The following XPO6 variants were observed in gnomAD, a reference collection of about 807,000 sequenced individuals.
XPO6 encodes the protein exportin 6.
A neutral mutation model predicts 130.0 loss-of-function variants in XPO6; 3 were observed. The observed-to-expected ratio is 0.02, with a 90% CI of 0.01 to 0.06. XPO6 has a LOEUF of 0.06. XPO6 is among the 10% of genes least tolerant of loss of function. XPO6 has a pLI of 1.00. For missense variants in XPO6, 970 were observed against 1,393.0 expected (o/e 0.70, Z 4.83); for synonymous variants, 524 against 548.9 (o/e 0.95, Z 0.63).
intron 4 of XPO6, among the ~76,000 whole-genome samples, chr16:28,171,284 C>T (rs775475635): frequency 1.9e-4 from 29 of 151,770 alleles, no homozygotes; most frequent in African/African-American, 7.0e-4. Context: ...GAAACTCCAT[C>T]TCTACTAAAA....
At chr16:28,172,533 T>C (rs191326155) in intron 4 of XPO6, among the ~76,000 whole-genome samples, 5 of 152,288 alleles carry the variant, frequency 3.3e-5, no homozygotes, top group East Asian at 3.9e-4. Flanking sequence ...ATTAGTGTTA[T>C]GTGTGTGCTG....
intron 14 of XPO6, among the ~76,000 whole-genome samples, chr16:28,121,117 G>A (rs892731633): frequency 7.9e-5 from 12 of 152,378 alleles, no homozygotes; most frequent in African/African-American, 2.9e-4. Flanking sequence ...TAGAGTTTCT[G>A]TAGGTAGAGA....
At chr16:28,098,812 T>C (rs1457125812) in intron 23 of XPO6, among the ~76,000 whole-genome samples, 173 bp from the exon 24 acceptor site, 1 of 152,114 alleles carries the variant, frequency 6.6e-6, no homozygotes, top group Admixed American at 6.5e-5. Context: ...TGCCAGGCGC[T>C]GTGGGAGAAA....
In XPO6 at chr16:28,098,613, C is replaced by A. The variant is rs754068704; in HGVS notation, c.3303G>T (p.Val1101=). The change falls in exon 24 of 24, where the codon GTG becomes GTT. Residue 1101 remains valine, a synonymous_variant. Transcript: ENST00000304658. ...AGCGCAGGTCGTTGACCAGCCTGTG[C>A]ACATTCTGGGTGAATGAGGGCAGGT... ...DRDLPSFTQN[V]HRLVNDLRYY... is the part of the protein sequence containing the mutation. 1 of 1,612,218 alleles carries A rather than the reference C, an allele frequency of 6.2e-7. No homozygotes were observed. Among genetic ancestry groups the A allele is most frequent in the South Asian group, 1.1e-5 (1 of 90,906 alleles).
At chr16:28,184,808 A>G (rs2043669672) in intron 1 of XPO6, among the ~76,000 whole-genome samples, 1 of 152,210 alleles carries the variant, frequency 6.6e-6, no homozygotes, top group African/African-American at 2.4e-5. Flanking sequence ...GAGGAGGCTG[A>G]GCAACCAGCA....
Position 28,211,665 on chromosome 16 carries a change from G to A in XPO6, c.-297C>T, listed in dbSNP as rs1014271810. 7.6e-5 allele frequency: 28 copies of A among 369,662 alleles called. No homozygotes were observed. Among genetic ancestry groups the A allele is most frequent in the Non-Finnish European group, 1.2e-4 (26 of 219,406 alleles). The allele number at this position is 369,662 out of a possible 1,614,324, so 22.9% of individuals were successfully genotyped here. On this transcript the variant is annotated 5_prime_UTR_variant, in exon 1 of 24. Coordinates refer to ENST00000304658, the MANE Select transcript of XPO6 (RefSeq NM_015171.4). ...AGGAGGGCAGCTGCTCGGGACCCCC[G>A]CCCGGGCCCGACCCCCGCGGGGGAG...
chr16:28,113,605 C>T (rs2086984055), intron 15 of XPO6, among the ~76,000 whole-genome samples: 1 of 152,050 alleles, frequency 6.6e-6, no homozygotes, highest in African/African-American at 2.4e-5. Flanking sequence ...AACAGCACAC[C>T]AAAAAGTCAA....
At chr16:28,120,056 G>T (rs944574615) in intron 14 of XPO6, among the ~76,000 whole-genome samples, 4 of 152,100 alleles carry the variant, frequency 2.6e-5, no homozygotes, top group African/African-American at 9.7e-5. Context: ...CGTTGGTCAG[G>T]CTGGACTTGA....
chr16:28,128,238 C>A (rs1270576634), intron 12 of XPO6, among the ~76,000 whole-genome samples: 1 of 152,184 alleles, frequency 6.6e-6, no homozygotes, highest in Non-Finnish European at 1.5e-5. Context: ...TGCACACCAA[C>A]CAGACCTCAG....
rs2086578162 is a variant in XPO6, at chr16:28,098,347, C to T, written c.*191G>A. 1 of 562,350 alleles carries T rather than the reference C, an allele frequency of 1.8e-6. No homozygotes were observed. Among genetic ancestry groups the T allele is most frequent in the Non-Finnish European group, 3.2e-6 (1 of 315,068 alleles). The allele number at this position is 562,350 out of a possible 1,614,324, so 34.8% of individuals were successfully genotyped here. ...CGCCCTGGGAGCACCGTCCAGTGCT[C>T]AGGTGGACCCAGAAGCCAGCTCTGC... On this transcript the variant is annotated 3_prime_UTR_variant, in exon 24 of 24. Transcript: ENST00000304658.
In XPO6 at chr16:28,156,186, A is replaced by G. The variant is rs370746097; in HGVS notation, c.985T>C (p.Phe329Leu). 2 of 1,614,064 alleles carry G rather than the reference A, an allele frequency of 1.2e-6. No homozygotes were observed. Among genetic ancestry groups the G allele is most frequent in the Non-Finnish European group, 1.7e-6 (2 of 1,180,006 alleles). Residue 329 changes from phenylalanine to leucine, a missense_variant, in exon 7 of 24, where the codon TTT (phenylalanine) becomes CTT (leucine). Coordinates refer to ENST00000304658, the MANE Select transcript of XPO6 (RefSeq NM_015171.4). ...LMSKNCVPME[F>L]EEYLLRMFQQ... is the part of the protein sequence containing the mutation. ...AACATACGCAGTAAATACTCCTCAA[A>G]TTCCATAGGCACACAGTTCTTGGAC...
chr16:28,121,827 A>C lies in XPO6; in HGVS notation c.1767-65T>G, dbSNP rs1174703933. 2.6e-6 allele frequency: 3 copies of C among 1,140,110 alleles called. No individual in the cohort carries two copies. In the African/African-American group the frequency reaches 4.6e-5, roughly 17 times the overall value. The allele number at this position is 1,140,110 out of a possible 1,614,324, so 70.6% of individuals were successfully genotyped here. A position where few individuals can be genotyped will look rare whatever the true frequency, so the allele number is the denominator to read the frequency against. ...ATGAACTAAGACAGACAAAACAGACAAGGCTGGTACCAGCAAAGAGCGTAA... is the reference window on the plus strand; with the variant it reads ...ATGAACTAAGACAGACAAAACAGACCAGGCTGGTACCAGCAAAGAGCGTAA... On this transcript the variant is annotated intron_variant, in intron 13 of 23. Transcript: ENST00000304658.
chr16:28,163,613 A>G (rs911521793), intron 6 of XPO6, among the ~76,000 whole-genome samples: 3 of 152,200 alleles, frequency 2.0e-5, no homozygotes, highest in African/African-American at 7.2e-5. Context: ...GGCAATGTCC[A>G]CATCTTCCCT....
intron 1 of XPO6, among the ~76,000 whole-genome samples, chr16:28,210,161 C>T (rs1437688096): frequency 2.0e-5 from 3 of 152,136 alleles, no homozygotes; most frequent in Admixed American, 6.5e-5. Context: ...ATACACTATA[C>T]GTATAGCATA....
Position 28,156,354 on chromosome 16 carries a change from T to C in XPO6, c.817A>G (p.Thr273Ala). ...CCAAATCGTGCAAAGTGGAAGATGG[T>C]GGTAAGGAGGGATGGGGTGATGCTG... is the stretch of plus-strand genomic sequence containing the variant. ...SASITPSLLTTIFHFARFGCD... is the reference protein window; with the variant it reads ...SASITPSLLTAIFHFARFGCD... Residue 273 changes from threonine to alanine, a missense_variant, in exon 7 of 24, where the codon ACC (threonine) becomes GCC (alanine). Around this residue, in one of 4 missense-constraint regions of XPO6, gnomAD observed 936 missense variants for 1,306.8 expected, o/e 0.72. Transcript: ENST00000304658. 2 of 1,613,552 alleles carry C rather than the reference T, an allele frequency of 1.2e-6. No homozygotes were observed. Among genetic ancestry groups the C allele is most frequent in the Non-Finnish European group, 1.7e-6 (2 of 1,179,926 alleles).
intron 23 of XPO6, among the ~76,000 whole-genome samples, chr16:28,100,431 G>A (rs1312662308): frequency 2.0e-5 from 3 of 152,250 alleles, no homozygotes; most frequent in Admixed American, 6.5e-5. Flanking sequence ...ACTGGAAGAG[G>A]CTTAGGAGAG....
chr16:28,191,937 A>G (rs186276167), intron 1 of XPO6, among the ~76,000 whole-genome samples: 15 of 152,320 alleles, frequency 9.8e-5, no homozygotes, highest in Admixed American at 8.5e-4. Context: ...ATCCTGAATT[A>G]TTCCCAGGTA....
chr16:28,117,654 C>T (rs1226543669), intron 14 of XPO6, among the ~76,000 whole-genome samples, 192 bp from the exon 15 acceptor site: 1 of 152,196 alleles, frequency 6.6e-6, no homozygotes, highest in East Asian at 1.9e-4. Flanking sequence ...AACATTGCCA[C>T]CGCTGACTAG....
At chr16:28,202,382 G>C (rs1022962841) in intron 1 of XPO6, among the ~76,000 whole-genome samples, 5 of 152,166 alleles carry the variant, frequency 3.3e-5, no homozygotes, top group Admixed American at 3.3e-4. Flanking sequence ...GCTCTATGAG[G>C]CAGCTCAGCA....
Sources: gnomAD v4.1 joint callset for allele counts (sites outside exome capture counted in the v4.1 genomes callset) on GRCh38, gnomAD v4.1.1 for gene constraint, gnomAD v4.1.1 regional missense constraint, MANE v1.5 for transcripts, NCBI Gene and HGNC (gene_info 2026-07-23, HGNC 2026-07-21) for gene names.